LAD1: variants seen among roughly 807,000 people sequenced by gnomAD.
The protein encoded by LAD1 is ladinin 1, also known as ladinin-1.
In LAD1, 53 loss-of-function variants were observed where a neutral mutation model predicts 54.2. That is an observed-to-expected ratio of 0.98 (90% CI 0.78 to 1.23). LAD1 has a LOEUF of 1.23. Among genes scored for constraint, LAD1 ranks in the 50% most tolerant of loss-of-function variants. LAD1 has a pLI of 0.00. For synonymous variants in LAD1, 231 were observed against 257.7 expected, an observed-to-expected ratio of 0.90 and a Z score of 0.99; for missense variants, 637 against 653.3, an observed-to-expected ratio of 0.98 and a Z score of 0.27.
Position 201,385,266 on chromosome 1 carries a change from G to A in LAD1, c.1132-431C>T, listed in dbSNP as rs148943081. Among the ~76,000 whole-genome samples, 552 of 152,344 alleles carry A rather than the reference G, an allele frequency of 3.6e-3. 1 individual carries two copies. The highest frequency in any genetic ancestry group is 0.012 in the African/African-American group (503 of 41,574). Reference sequence around the variant, plus strand: ...AATAAACACCAGGACAAAGCAAGACGAGATTTCCCCAATCCACATAGTTTG... The same window carrying A: ...AATAAACACCAGGACAAAGCAAGACAAGATTTCCCCAATCCACATAGTTTG... On this transcript the variant is annotated intron_variant, in intron 4 of 9. Transcript: ENST00000391967.
At position 201,382,725 on chromosome 1, in the gene LAD1, G is replaced by C; in HGVS notation, c.1401C>G (p.Leu467=). Residue 467 remains leucine (L), a synonymous_variant, in exon 8 of 10, where the codon CTC becomes CTG. Coordinates refer to ENST00000391967, the MANE Select transcript of LAD1 (RefSeq NM_005558.4). ...TGAGCCTTGATGTCACAACCCCTGA[G>C]AGCCTCAAGTTCTCCTAAAAAGAGA... ...PASSRKENLR[L]SGVVTSRLNL... The C allele has an allele frequency of 6.2e-7, 1 of 1,604,662 alleles. No homozygotes were observed. Among genetic ancestry groups the C allele is most frequent in the Non-Finnish European group, 8.5e-7 (1 of 1,175,726 alleles).
intron 1 of LAD1, among the ~76,000 whole-genome samples, chr1:201,394,262 A>G (rs533060561): frequency 4.6e-5 from 7 of 152,336 alleles, no homozygotes; most frequent in African/African-American, 9.6e-5. Context: ...AAGGGGGAAC[A>G]AAGCCCACTC....
At chr1:201,399,228 C>T (rs1205292255) in intron 1 of LAD1, 41 bp downstream of exon 1, 3 of 1,513,624 alleles carry the variant, frequency 2.0e-6, no homozygotes, top group Admixed American at 1.9e-5. Flanking sequence ...CAAAGGCTCC[C>T]CGCCGACCCC....
chr1:201,389,314 G>A lies in LAD1; in HGVS notation c.39-11C>T. The A allele has an allele frequency of 6.2e-7, 1 of 1,609,160 alleles. No individual in the cohort carries two copies. Among genetic ancestry groups the A allele is most frequent in the East Asian group, 2.2e-5 (1 of 44,860 alleles). ...CTCTGCCGGGCAAGGCTGGGGGAGGGGAGGAGAGGGTCAGCACAGCTGGGG... is the reference window on the plus strand; with the variant it reads ...CTCTGCCGGGCAAGGCTGGGGGAGGAGAGGAGAGGGTCAGCACAGCTGGGG... On this transcript the variant is annotated splice_polypyrimidine_tract_variant and intron_variant, in intron 1 of 9. Transcript: ENST00000391967.
rs1011893346 is a variant in LAD1 at position 201,383,768 on chromosome 1, C to T, written c.1176-379G>A. On this transcript the variant is annotated intron_variant, in intron 5 of 9. Transcript: ENST00000391967. ...GGCTGCTCCTACCTCAAATCTGATCCTGTCCTTCCAGCTCAGACCCCATAG... is the reference window on the plus strand; with the variant it reads ...GGCTGCTCCTACCTCAAATCTGATCTTGTCCTTCCAGCTCAGACCCCATAG... Among the ~76,000 whole-genome samples the T allele has an allele frequency of 5.3e-5, 8 of 152,310 alleles. No homozygotes were observed. In the South Asian group the frequency reaches 1.5e-3, roughly 28 times the overall value.
chr1:201,383,618 T>TC (rs1218016714), intron 5 of LAD1: 5 of 575,302 alleles, frequency 8.7e-6, no homozygotes, highest in Non-Finnish European at 1.3e-5. Flanking sequence ...ACATCCCTTC[T>TC]CCCCCATACC....
At chr1:201,382,938 G>C (rs1661992408) in intron 7 of LAD1, 136 bp downstream of exon 7, 23 of 1,157,722 alleles carry the variant, frequency 2.0e-5, no homozygotes, top group South Asian at 2.9e-5. Context: ...AACGTGAATG[G>C]GAACTCAAAT....
At chr1:201,389,604 GGAGTTT>G (rs1662163072) in intron 1 of LAD1, among the ~76,000 whole-genome samples, 2 of 151,916 alleles carry the variant, frequency 1.3e-5, no homozygotes, top group African/African-American at 4.8e-5. Flanking sequence ...CCTGAGCTCA[GGAGTTT>G]GAGACCAGCT....
At chr1:201,390,370 C>CA (rs34155846) in intron 1 of LAD1, among the ~76,000 whole-genome samples, 44,079 of 112,150 alleles carry the variant, frequency 0.39, 6,831 homozygotes, top group Middle Eastern at 0.47. Flanking sequence ...ACTAAAAATA[C>CA]AAAAAAAAAA....
chr1:201,392,664 A>G (rs1422204485), intron 1 of LAD1, among the ~76,000 whole-genome samples: 1 of 152,204 alleles, frequency 6.6e-6, no homozygotes. Flanking sequence ...GCCAGAGCAG[A>G]GGGCCTTGGA....
At chr1:201,399,324 TGGCCGCCCGCGCCC>T, upstream of LAD1, 1 of 1,530,296 alleles carries the variant, frequency 6.5e-7, no homozygotes, top group African/African-American at 1.4e-5. Context: ...GAGCCCCGCG[TGGCCGCCCGCGCCC>T]CGCCGGCCGC....
rs972959597 is a variant in LAD1 at position 201,399,268 on chromosome 1, C to A, written c.38+1G>T. On this transcript the variant is annotated splice_donor_variant, in intron 1 of 9. Coordinates refer to ENST00000391967, the MANE Select transcript of LAD1 (RefSeq NM_005558.4). LOFTEE classifies it high-confidence loss of function. ...CCCTCCCGGCTCCCTCCGGCGCTCA[C>A]CTGGACAGCGCGGACCAGTCCTTCC... 2 of 1,553,316 alleles carry A rather than the reference C, an allele frequency of 1.3e-6. No homozygotes were observed. Among genetic ancestry groups the A allele is most frequent in the African/African-American group, 2.7e-5 (2 of 73,698 alleles).
chr1:201,394,283 G>C (rs371068770), intron 1 of LAD1, among the ~76,000 whole-genome samples: 15 of 152,338 alleles, frequency 9.8e-5, no homozygotes, highest in African/African-American at 3.6e-4. Context: ...CTCCCCCAAA[G>C]GCAATCTGCC....
rs748258150 is a variant in LAD1, at chr1:201,381,815, G to A, written c.*73C>T. 37 of 1,499,326 alleles carry A rather than the reference G, an allele frequency of 2.5e-5. No homozygotes were observed. Among genetic ancestry groups the A allele is most frequent in the Non-Finnish European group, 3.2e-5 (34 of 1,075,490 alleles). 92.9% of individuals were successfully genotyped at this position (1,499,326 alleles called of 1,614,324 possible). Reference sequence around the variant, plus strand: ...GACAATGAGAGGAAAGGGTGCTGCTGTGAGAGGCAGGGGCCTGGCATGAGG... The same window carrying A: ...GACAATGAGAGGAAAGGGTGCTGCTATGAGAGGCAGGGGCCTGGCATGAGG... On this transcript the variant is annotated 3_prime_UTR_variant, in exon 10 of 10. Coordinates refer to ENST00000391967, the MANE Select transcript of LAD1 (RefSeq NM_005558.4).
chr1:201,397,424 A>G (rs1662312146), intron 1 of LAD1: 1 of 152,324 alleles, frequency 6.6e-6, no homozygotes, highest in Non-Finnish European at 1.5e-5. Context: ...GCTTCCTGGC[A>G]CTTACCCTGG....
Position 201,381,711 on chromosome 1 carries a change from A to G in LAD1, c.*177T>C. ...CCAGCCCCAAGAGGCTGGGCTGGGA[A>G]GGAGCTGGCTGAGTCTTGCAAATAT... On this transcript the variant is annotated 3_prime_UTR_variant, in exon 10 of 10. Coordinates refer to ENST00000391967, the MANE Select transcript of LAD1 (RefSeq NM_005558.4). 1 of 715,356 alleles carries G rather than the reference A, an allele frequency of 1.4e-6. No homozygotes were observed. The allele number at this position is 715,356 out of a possible 1,614,324, so 44.3% of individuals were successfully genotyped here.
rs1374136732 is a variant in LAD1 at position 201,389,263 on chromosome 1, C to T, written c.79G>A (p.Glu27Lys). The T allele has an allele frequency of 1.2e-6, 2 of 1,613,946 alleles. No homozygotes were observed. The highest frequency in any genetic ancestry group is 1.7e-6 in the Non-Finnish European group (2 of 1,179,994). ...CGGTGCCGCCGCCTGCGCTCGCGCTCCTGTTCCTCCTCATCCTCCAGAGTC... is the reference window on the plus strand; with the variant it reads ...CGGTGCCGCCGCCTGCGCTCGCGCTTCTGTTCCTCCTCATCCTCCAGAGTC... Reference protein sequence around the residue: ...QRTLEDEEEQERERRRRHRNL... With the variant: ...QRTLEDEEEQKRERRRRHRNL... The change falls in exon 2 of 10, where the codon GAG (glutamate) becomes AAG (lysine). Residue 27 changes from glutamate to lysine, a missense_variant. By Grantham distance (56) the Glu-to-Lys change is moderately conservative. Coordinates refer to ENST00000391967, the MANE Select transcript of LAD1 (RefSeq NM_005558.4).
intron 5 of LAD1, 39 bp downstream of exon 5, chr1:201,384,753 T>C (rs1404020577): frequency 6.2e-7 from 1 of 1,609,594 alleles, no homozygotes; most frequent in South Asian, 1.1e-5. Flanking sequence ...AGCCTGAACA[T>C]GGCCAAATAG....
At position 201,381,015 on chromosome 1, in the gene LAD1, G is replaced by A. The variant is rs1661943941; in HGVS notation, c.*873C>T. 6.6e-6 allele frequency: 1 copy of A among 151,920 alleles called. No homozygotes were observed. Among genetic ancestry groups the A allele is most frequent in the Non-Finnish European group, 1.5e-5 (1 of 68,064 alleles). The allele number at this position is 151,920 out of a possible 1,614,324, so 9.4% of individuals were successfully genotyped here. On this transcript the variant is annotated 3_prime_UTR_variant, in exon 10 of 10. Transcript: ENST00000391967. Reference sequence around the variant, plus strand: ...GGTGGGGGTTGGAGGGGGCTTGTGGGGAAGGAGGGTAGGCCTGGCCCTGTA... The same window carrying A: ...GGTGGGGGTTGGAGGGGGCTTGTGGAGAAGGAGGGTAGGCCTGGCCCTGTA...
Sources: allele counts gnomAD v4.1 joint callset (sites outside exome capture counted in the v4.1 genomes callset), GRCh38; gene constraint gnomAD v4.1.1; transcripts MANE v1.5; gene names NCBI Gene and HGNC (gene_info 2026-07-23, HGNC 2026-07-21).